The following RAD51B variants were observed in gnomAD, a reference collection of about 807,000 sequenced individuals.
The protein encoded by RAD51B is RAD51 paralog B.
Under a neutral mutation model 42.2 loss-of-function variants are expected in RAD51B, and 38 were observed. The ratio of observed to expected loss-of-function variants is 0.90; its 90% CI spans 0.70 to 1.18. RAD51B has a LOEUF of 1.18. Ranked by LOEUF, RAD51B falls within the 50% of genes most tolerant of loss-of-function variation. The pLI, the probability that RAD51B is intolerant of heterozygous loss-of-function variation, is 0.00. For synonymous variants in RAD51B, 154 were observed against 145.2 expected, an observed-to-expected ratio of 1.06 and a Z score of -0.43; for missense variants, 373 against 400.7, an observed-to-expected ratio of 0.93 and a Z score of 0.59.
At chr14:68,232,361 CAAAAAGAAAA>C (rs951266909) in intron 7 of RAD51B, among the ~76,000 whole-genome samples, 7 of 148,702 alleles carry the variant, frequency 4.7e-5, no homozygotes, top group African/African-American at 1.7e-4. Context: ...TAACAACTGG[CAAAAAGAAAA>C]AAAAAGAAAA....
chr14:68,477,831 C>T lies in RAD51B; in HGVS notation c.*167C>T, dbSNP rs962372835. The stretch of plus-strand genomic sequence containing the variant: ...TCCTAAACCATTGAGCTAGCGATTT[C>T]AGACCTAGCAGGGAAGGTGAAGATG... On this transcript the variant is annotated 3_prime_UTR_variant, in exon 11 of 11. Transcript: ENST00000471583. 4 of 1,445,878 alleles carry T rather than the reference C, an allele frequency of 2.8e-6. No individual in the cohort carries two copies. Among genetic ancestry groups the T allele is most frequent in the Non-Finnish European group, 3.6e-6 (4 of 1,099,906 alleles). The allele number at this position is 1,445,878 out of a possible 1,614,324, so 89.6% of individuals were successfully genotyped here.
At chr14:68,504,813 T>C (rs1343435179) in intron 10 of RAD51B, among the ~76,000 whole-genome samples, 3 of 150,552 alleles carry the variant, frequency 2.0e-5, no homozygotes, top group Non-Finnish European at 4.4e-5. Flanking sequence ...CACTAGACAC[T>C]GGAGCCCAAT....
At chr14:68,078,738 C>G (rs1407412286) in intron 7 of RAD51B, among the ~76,000 whole-genome samples, 2 of 152,048 alleles carry the variant, frequency 1.3e-5, no homozygotes, top group Non-Finnish European at 2.9e-5. Context: ...GCCCGTAGTC[C>G]CAGCACTTTG....
chr14:68,624,768 A>AT (rs1892034738), intron 10 of RAD51B, among the ~76,000 whole-genome samples: 2 of 152,110 alleles, frequency 1.3e-5, no homozygotes, highest in African/African-American at 4.8e-5. Context: ...GCCCCAGGCA[A>AT]TTTCGTTCCT....
chr14:68,390,906 G>A (rs1306364887), intron 8 of RAD51B, among the ~76,000 whole-genome samples: 3 of 152,284 alleles, frequency 2.0e-5, no homozygotes, highest in East Asian at 3.9e-4. Flanking sequence ...TGCAGTCCCT[G>A]GTAGGATCTA....
chr14:68,599,622 T>C (rs1269541875), downstream of RAD51B, among the ~76,000 whole-genome samples: 1 of 152,224 alleles, frequency 6.6e-6, no homozygotes, highest in African/African-American at 2.4e-5. Context: ...CTTGTACCCG[T>C]GTCCTTCATC....
intron 7 of RAD51B, among the ~76,000 whole-genome samples, chr14:68,249,981 G>A (rs1489305543): frequency 6.6e-6 from 1 of 152,186 alleles, no homozygotes; most frequent in Non-Finnish European, 1.5e-5. Context: ...TGTTAAGGAA[G>A]AAATGTCATA....
At chr14:67,891,969 A>C (rs2043233053) in intron 7 of RAD51B, among the ~76,000 whole-genome samples, 1 of 152,132 alleles carries the variant, frequency 6.6e-6, no homozygotes, top group Non-Finnish European at 1.5e-5. Flanking sequence ...GGAATCCTAG[A>C]CCCTTGATGT....
intron 10 of RAD51B, among the ~76,000 whole-genome samples, chr14:68,603,427 T>C (rs1351044100): frequency 6.6e-6 from 1 of 152,216 alleles, no homozygotes; most frequent in Non-Finnish European, 1.5e-5. Flanking sequence ...TGGGATTTTT[T>C]ATACTTTTCT....
chr14:68,236,703 A>C (rs1259749720), intron 7 of RAD51B, among the ~76,000 whole-genome samples: 1 of 152,198 alleles, frequency 6.6e-6, no homozygotes, highest in African/African-American at 2.4e-5. Context: ...CTGATGCCTC[A>C]ATCAAAGGCT....
At chr14:68,294,229 G>A (rs549856153) in intron 8 of RAD51B, among the ~76,000 whole-genome samples, 26 of 152,248 alleles carry the variant, frequency 1.7e-4, no homozygotes, top group African/African-American at 5.8e-4. Flanking sequence ...TGTGTTCATA[G>A]CAAAGGAAGA....
At chr14:68,168,739 TG>T in intron 7 of RAD51B, among the ~76,000 whole-genome samples, 1 of 152,304 alleles carries the variant, frequency 6.6e-6, no homozygotes, top group South Asian at 2.1e-4. Context: ...CCCACTTAAG[TG>T]ACCTATTTTG....
chr14:67,953,256 T>C (rs9652364), intron 7 of RAD51B, among the ~76,000 whole-genome samples: 9,105 of 152,084 alleles, frequency 0.06, 639 homozygotes, highest in African/African-American at 0.17. Flanking sequence ...CAGATTAAGA[T>C]GGGATTGGGG....
chr14:67,994,174 G>A (rs1469589738), intron 7 of RAD51B, among the ~76,000 whole-genome samples: 6 of 151,536 alleles, frequency 4.0e-5, no homozygotes, highest in Non-Finnish European at 8.8e-5. Context: ...CTTTTTGAAA[G>A]GAGAAATAAG....
chr14:68,589,440 A>G (rs1486531345), intron 10 of RAD51B, among the ~76,000 whole-genome samples: 1 of 152,166 alleles, frequency 6.6e-6, no homozygotes, highest in Non-Finnish European at 1.5e-5. Context: ...AGCTTTAAAT[A>G]AATACACACT....
chr14:68,384,811 G>C (rs945874598), intron 8 of RAD51B, among the ~76,000 whole-genome samples: 1 of 152,132 alleles, frequency 6.6e-6, no homozygotes, highest in African/African-American at 2.4e-5. Context: ...TAAAATAACT[G>C]CTTTCCCTCC....
At chr14:68,536,807 C>T (rs1029077804) in intron 10 of RAD51B, among the ~76,000 whole-genome samples, 3 of 152,148 alleles carry the variant, frequency 2.0e-5, no homozygotes, top group East Asian at 3.9e-4. Flanking sequence ...CCCAGCCAGT[C>T]GCAGTGGCTC....
chr14:68,165,885 A>T (rs2078738443), intron 7 of RAD51B, among the ~76,000 whole-genome samples: 1 of 152,220 alleles, frequency 6.6e-6, no homozygotes, highest in Admixed American at 6.6e-5. Flanking sequence ...TGGTAAGCAT[A>T]GTACATAAAA....
chr14:68,260,723 C>G (rs2080870494), intron 7 of RAD51B, among the ~76,000 whole-genome samples: 1 of 152,156 alleles, frequency 6.6e-6, no homozygotes, highest in African/African-American at 2.4e-5. Flanking sequence ...CTTTTTGCTT[C>G]TGCAGTTTTC....
Sources: gnomAD v4.1 joint callset for allele counts (sites outside exome capture counted in the v4.1 genomes callset) on GRCh38, gnomAD v4.1.1 for gene constraint, MANE v1.5 for transcripts, NCBI Gene and HGNC (gene_info 2026-07-23, HGNC 2026-07-21) for gene names.